PRDM1: variants seen among roughly 807,000 people sequenced by gnomAD.
PRDM1 encodes PR/SET domain 1, also known as PR domain zinc finger protein 1.
A neutral mutation model predicts 62.8 loss-of-function variants in PRDM1; 13 were observed. The ratio of observed to expected loss-of-function variants is 0.21; its 90% CI spans 0.13 to 0.33. PRDM1 has a LOEUF of 0.33. Ranked by LOEUF, PRDM1 falls within the 10% of genes least tolerant of loss-of-function variation. The pLI is 1.00. For synonymous variants in PRDM1, 396 were observed against 417.6 expected, an observed-to-expected ratio of 0.95 and a Z score of 0.63; for missense variants, 895 against 1,058.8, an observed-to-expected ratio of 0.85 and a Z score of 2.15.
chr6:106,067,337 G>A (rs938717731), intron 1 of PRDM1, among the ~76,000 whole-genome samples: 1 of 152,080 alleles, frequency 6.6e-6, no homozygotes, highest in Non-Finnish European at 1.5e-5. Context: ...ATGTTTAAAT[G>A]TATGATGTTG....
chr6:106,079,954 C>T (rs1582454253), intron 1 of PRDM1, among the ~76,000 whole-genome samples: 1 of 152,290 alleles, frequency 6.6e-6, no homozygotes, highest in Non-Finnish European at 1.5e-5. Context: ...GATTTTTCAG[C>T]ATTAAAAACA....
chr6:106,062,329 T>G (rs1773357527), intron 1 of PRDM1, among the ~76,000 whole-genome samples: 1 of 152,232 alleles, frequency 6.6e-6, no homozygotes, highest in Admixed American at 6.5e-5. Flanking sequence ...AAGTGAAATT[T>G]TAATTTTTCT....
rs1458959543 is a variant in PRDM1 at position 106,109,080 on chromosome 6, T to G, written c.*1594T>G. ...AGCCAAGCCATGTAAAAGATCTACT[T>G]TTTCTAAGGGCAAAAAAAAAAAAAA... On this transcript the variant is annotated 3_prime_UTR_variant, in exon 7 of 7. Transcript: ENST00000369096. 9.7e-6 allele frequency: 2 copies of G among 207,104 alleles called. No homozygotes were observed. Among genetic ancestry groups the G allele is most frequent in the Non-Finnish European group, 1.9e-5 (2 of 104,960 alleles). The allele number at this position is 207,104 out of a possible 1,614,324, so 12.8% of individuals were successfully genotyped here. A position where few individuals can be genotyped will look rare whatever the true frequency, so the allele number is the denominator to read the frequency against.
In PRDM1 at chr6:106,100,788, G is replaced by A. The variant is rs1774247004; in HGVS notation, c.664+1236G>A. ...AAAAGCATCAGGACCTCCCCCGTAG[G>A]GGAGGTCGTGTGTTTGGGGTCCTTA... On this transcript the variant is annotated intron_variant, in intron 4 of 6. Coordinates refer to ENST00000369096, the MANE Select transcript of PRDM1 (RefSeq NM_001198.4). Among the ~76,000 whole-genome samples the A allele has an allele frequency of 2.0e-5, 3 of 152,226 alleles. No individual in the cohort carries two copies. The South Asian group carries it at 6.2e-4, about 32-fold the overall frequency.
At chr6:106,029,574 T>C (rs770662459) in intron 1 of PRDM1, among the ~76,000 whole-genome samples, 2 of 152,194 alleles carry the variant, frequency 1.3e-5, no homozygotes, top group Non-Finnish European at 2.9e-5. Flanking sequence ...GTCCATTGTA[T>C]GGATATAACA....
chr6:105,997,227 T>C (rs1042151214), intron 1 of PRDM1, among the ~76,000 whole-genome samples: 12 of 152,364 alleles, frequency 7.9e-5, no homozygotes, highest in African/African-American at 2.6e-4. Flanking sequence ...AGCAGTTTCA[T>C]AAGGCTTTCT....
At chr6:106,029,544 T>C (rs1772810277) in intron 1 of PRDM1, among the ~76,000 whole-genome samples, 1 of 152,208 alleles carries the variant, frequency 6.6e-6, no homozygotes, top group Non-Finnish European at 1.5e-5. Context: ...CAAGAGTTCA[T>C]TCCTTTATGT....
intron 1 of PRDM1, among the ~76,000 whole-genome samples, chr6:106,028,962 C>T (rs139207538): frequency 1.4e-5 from 2 of 143,036 alleles, no homozygotes; most frequent in Admixed American, 7.2e-5. Context: ...TGCTCTGCTG[C>T]CAGGCTGGAG....
At chr6:106,025,035 G>A (rs916170061) in intron 1 of PRDM1, among the ~76,000 whole-genome samples, 4 of 151,132 alleles carry the variant, frequency 2.6e-5, no homozygotes, top group African/African-American at 4.9e-5. Flanking sequence ...CTTTGATCTC[G>A]TTAAGAAAAA....
At chr6:106,016,874 G>C (rs145319334) in intron 1 of PRDM1, among the ~76,000 whole-genome samples, 3 of 151,988 alleles carry the variant, frequency 2.0e-5, no homozygotes, top group Non-Finnish European at 4.4e-5. Context: ...CGATGGTCTC[G>C]AACTCTTGAC....
chr6:105,995,362 A>T (rs1772336509), intron 1 of PRDM1, among the ~76,000 whole-genome samples: 1 of 152,306 alleles, frequency 6.6e-6, no homozygotes, highest in Middle Eastern at 3.4e-3. Context: ...ACCTTCTAGG[A>T]AAAGTGTTTT....
At chr6:106,023,850 A>T in intron 1 of PRDM1, among the ~76,000 whole-genome samples, 1 of 152,182 alleles carries the variant, frequency 6.6e-6, no homozygotes, top group South Asian at 2.1e-4. Context: ...AGATTCAGAA[A>T]AATTAGATTG....
intron 4 of PRDM1, among the ~76,000 whole-genome samples, chr6:106,099,874 G>C (rs1406233314): frequency 6.6e-6 from 1 of 152,186 alleles, no homozygotes; most frequent in East Asian, 1.9e-4. Flanking sequence ...GACATGCTGC[G>C]TATGCAAGGT....
At chr6:106,020,182 CAA>C (rs371335498) in intron 1 of PRDM1, among the ~76,000 whole-genome samples, 4 of 102,642 alleles carry the variant, frequency 3.9e-5, no homozygotes, top group Non-Finnish European at 7.8e-5. Context: ...GACTCTGTCT[CAA>C]AAAAAAAAAA....
chr6:106,098,785 G>C, intron 3 of PRDM1: 1 of 1,494,562 alleles, frequency 6.7e-7, no homozygotes, highest in Admixed American at 2.0e-5. Context: ...GGGGGTGGAG[G>C]ATGTTTGCAT....
intron 1 of PRDM1, chr6:106,087,660 G>GT (rs2114615968): frequency 4.3e-6 from 1 of 232,922 alleles, no homozygotes; most frequent in South Asian, 1.8e-4. Context: ...GTTGTTTTGC[G>GT]TTGGGAGCTG....
At chr6:106,012,912 A>C (rs868492968) in intron 1 of PRDM1, among the ~76,000 whole-genome samples, 5 of 152,340 alleles carry the variant, frequency 3.3e-5, no homozygotes, top group Middle Eastern at 3.4e-3. Context: ...AAGATTTGGC[A>C]TATCCTTTTG....
chr6:106,095,060 C>A (rs1039207933), intron 2 of PRDM1, among the ~76,000 whole-genome samples: 1 of 150,838 alleles, frequency 6.6e-6, no homozygotes, highest in African/African-American at 2.4e-5. Flanking sequence ...AAAAAACACA[C>A]ACACACACAC....
intron 1 of PRDM1, among the ~76,000 whole-genome samples, chr6:106,042,804 A>G (rs1321295346): frequency 6.6e-6 from 1 of 152,092 alleles, no homozygotes; most frequent in Non-Finnish European, 1.5e-5. Flanking sequence ...TCTTCATCCA[A>G]CGTTACTTCA....
Sources: allele counts gnomAD v4.1 joint callset (sites outside exome capture counted in the v4.1 genomes callset), GRCh38; gene constraint gnomAD v4.1.1; transcripts MANE v1.5; gene names NCBI Gene and HGNC (gene_info 2026-07-23, HGNC 2026-07-21).